TRIM4: variants seen among roughly 807,000 people sequenced by gnomAD.
The protein encoded by TRIM4 is tripartite motif containing 4, also known as E3 ubiquitin-protein ligase TRIM4.
A neutral mutation model predicts 33.7 loss-of-function variants in TRIM4; 29 were observed. The observed-to-expected ratio is 0.86, with a 90% CI of 0.64 to 1.17. The LOEUF is 1.17. TRIM4 is among the 50% of genes most tolerant of loss of function. The pLI is 0.00. For missense variants in TRIM4, 554 were observed against 593.7 expected, an observed-to-expected ratio of 0.93 and a Z score of 0.69; for synonymous variants, 224 against 233.0, an observed-to-expected ratio of 0.96 and a Z score of 0.35.
intron 1 of TRIM4, 63 bp from the exon 2 acceptor site, chr7:99,909,723 C>CTT (rs1366631168): frequency 3.0e-4 from 206 of 691,938 alleles, no homozygotes; most frequent in East Asian, 6.2e-4. Flanking sequence ...CTTCTTTTTT[C>CTT]TTTTTGTTTT....
intron 5 of TRIM4, among the ~76,000 whole-genome samples, chr7:99,902,358 C>T (rs1469199967): frequency 1.3e-5 from 2 of 152,028 alleles, no homozygotes; most frequent in East Asian, 3.9e-4. Flanking sequence ...AGCGATTCTC[C>T]TGCCTCAGCC....
chr7:99,913,441 G>A (rs988705151), intron 1 of TRIM4, among the ~76,000 whole-genome samples: 56 of 152,234 alleles, frequency 3.7e-4, no homozygotes, highest in African/African-American at 1.3e-3. Flanking sequence ...GGCCAAGGCG[G>A]GCAGATTACG....
chr7:99,918,381 A>T (rs78284200), intron 1 of TRIM4, among the ~76,000 whole-genome samples: 1,863 of 152,312 alleles, frequency 0.012, 33 homozygotes, highest in African/African-American at 0.041. Flanking sequence ...AGCCTGGCCA[A>T]GATGGTGAAA....
chr7:99,909,729 G>GTTTTTTTTTTTTTTT, intron 1 of TRIM4, 69 bp from the exon 2 acceptor site: 1 of 723,226 alleles, frequency 1.4e-6, no homozygotes. Flanking sequence ...TTTTCTTTTT[G>GTTTTTTTTTTTTTTT]TTTTTTTTTT....
chr7:99,914,405 C>T (rs58730747), intron 1 of TRIM4, among the ~76,000 whole-genome samples: 2,715 of 152,334 alleles, frequency 0.018, 80 homozygotes, highest in African/African-American at 0.062. Flanking sequence ...ATCCTCCTGC[C>T]TCAGCCTCCC....
chr7:99,905,490 G>A (rs1197051777), intron 3 of TRIM4, among the ~76,000 whole-genome samples: 2 of 152,118 alleles, frequency 1.3e-5, no homozygotes, highest in Non-Finnish European at 1.5e-5. Flanking sequence ...TGAATAATAT[G>A]CTTTGGTATA....
chr7:99,907,589 T>C (rs1259805867), intron 3 of TRIM4, among the ~76,000 whole-genome samples: 2 of 152,264 alleles, frequency 1.3e-5, no homozygotes, highest in Non-Finnish European at 2.9e-5. Context: ...TTTGGATATG[T>C]ACTTGCAACT....
Position 99,892,423 on chromosome 7 carries a change from C to T in TRIM4, c.1165G>A (p.Gly389Ser). The T allele has an allele frequency of 6.2e-7, 1 of 1,614,096 alleles. No homozygotes were observed. Among genetic ancestry groups the T allele is most frequent in the Non-Finnish European group, 8.5e-7 (1 of 1,180,010 alleles). ...TDRSKMSPDV[G>S]IWAIYWSAAG... is the part of the protein sequence containing the mutation. ...GCACTCCAATAAATCGCCCAGATGC[C>T]CACATCTGGGGACATTTTTGAACGA... Residue 389 changes from glycine to serine, a missense_variant, in exon 6 of 6, where the codon GGC (glycine) becomes AGC (serine). By Grantham distance (56) the Gly-to-Ser change is moderately conservative. Coordinates refer to ENST00000349062, the MANE Select transcript of TRIM4 (RefSeq NM_033091.3).
At chr7:99,900,063 G>C (rs982659663) in intron 5 of TRIM4, among the ~76,000 whole-genome samples, 5 of 152,184 alleles carry the variant, frequency 3.3e-5, no homozygotes, top group Admixed American at 6.5e-5. Context: ...TGGGATTACA[G>C]ATGTGAGCCA....
chr7:99,896,182 GT>G (rs1028147935), intron 5 of TRIM4, among the ~76,000 whole-genome samples: 2 of 151,840 alleles, frequency 1.3e-5, no homozygotes. Flanking sequence ...GTGGTTTAAG[GT>G]TTATGGTATC....
In TRIM4 at chr7:99,908,776, C is replaced by T. The variant is rs1265474854; in HGVS notation, c.526G>A (p.Glu176Lys). ...AGGAAGTTGTGCAGCTTTGAAAACT[C>T]CGTGCTGATTCTCATTCGCTGACTC... is the stretch of plus-strand genomic sequence containing the variant. ...IKSQRMRIST[E>K]FSKLHNFLVE... is the part of the protein sequence containing the mutation. The change falls in exon 3 of 6, where the codon GAG becomes AAG. Residue 176 changes from glutamate to lysine, a missense_variant. Physicochemically the swap from Glu to Lys is moderately conservative, Grantham distance 56. This residue lies in a region of TRIM4 where 31 missense variants were observed against 54.8 expected (regional missense o/e 0.57). Transcript: ENST00000349062. 6.2e-7 allele frequency: 1 copy of T among 1,614,182 alleles called. No homozygotes were observed. Among genetic ancestry groups the T allele is most frequent in the Non-Finnish European group, 8.5e-7 (1 of 1,180,030 alleles).
chr7:99,905,042 A>T (rs994553076), intron 3 of TRIM4, among the ~76,000 whole-genome samples: 13 of 117,630 alleles, frequency 1.1e-4, no homozygotes, highest in Admixed American at 3.2e-4. Context: ...AAAATAAAAA[A>T]TAAAAATTAA....
At chr7:99,906,819 C>T (rs1819318056) in intron 3 of TRIM4, among the ~76,000 whole-genome samples, 2 of 152,102 alleles carry the variant, frequency 1.3e-5, no homozygotes, top group African/African-American at 4.8e-5. Context: ...GCACTCCAGT[C>T]TGGGTAACAA....
At chr7:99,898,424 C>G (rs1427418423) in intron 5 of TRIM4, among the ~76,000 whole-genome samples, 1 of 152,236 alleles carries the variant, frequency 6.6e-6, no homozygotes, top group East Asian at 1.9e-4. Context: ...TAGGGTGGCA[C>G]AGTAACTGTC....
chr7:99,910,211 T>C (rs929279448), intron 1 of TRIM4, among the ~76,000 whole-genome samples: 2 of 152,174 alleles, frequency 1.3e-5, no homozygotes, highest in Non-Finnish European at 1.5e-5. Context: ...TTAGCAAATA[T>C]CTACTACTGG....
intron 1 of TRIM4, among the ~76,000 whole-genome samples, chr7:99,916,196 C>T (rs1584274434): frequency 6.6e-6 from 1 of 152,194 alleles, no homozygotes; most frequent in East Asian, 1.9e-4. Context: ...TCGGCCCCCA[C>T]CCACAAGTGT....
At chr7:99,901,987 A>G (rs944807331) in intron 5 of TRIM4, 6 of 639,826 alleles carry the variant, frequency 9.4e-6, no homozygotes, top group East Asian at 2.6e-5. Flanking sequence ...CCCTGGCTCT[A>G]CCTCAGTTAC....
At chr7:99,903,700 G>T in intron 3 of TRIM4, 102 bp from the exon 4 acceptor site, 1 of 1,317,674 alleles carries the variant, frequency 7.6e-7, no homozygotes, top group Non-Finnish European at 1.1e-6. Context: ...ATTTGCTCAT[G>T]TCACATATGA....
rs1584277437 is a variant in TRIM4 at position 99,919,496 on chromosome 7, C to A, written c.-95G>T. ...GCGGGGAGGCCAGACGACTTCCGAA[C>A]CGCCGTCACCGCCTCACGTAAAAGG... On this transcript the variant is annotated 5_prime_UTR_variant, in exon 1 of 6. Transcript: ENST00000349062. 2.3e-6 allele frequency: 3 copies of A among 1,285,830 alleles called. No homozygotes were observed. Among genetic ancestry groups the A allele is most frequent in the Non-Finnish European group, 3.1e-6 (3 of 973,016 alleles). The allele number at this position is 1,285,830 out of a possible 1,614,324, so 79.7% of individuals were successfully genotyped here. A position where few individuals can be genotyped will look rare whatever the true frequency, so the allele number is the denominator to read the frequency against.
Sources: gnomAD v4.1 joint callset for allele counts (sites outside exome capture counted in the v4.1 genomes callset) on GRCh38, gnomAD v4.1.1 for gene constraint, gnomAD v4.1.1 regional missense constraint, MANE v1.5 for transcripts, NCBI Gene and HGNC (gene_info 2026-07-23, HGNC 2026-07-21) for gene names.